PP2D1: variants seen among roughly 807,000 people sequenced by gnomAD.
The protein encoded by PP2D1 is protein phosphatase 2C-like domain-containing protein 1.
Under a neutral mutation model 30.2 loss-of-function variants are expected in PP2D1, and 25 were observed. The ratio of observed to expected loss-of-function variants is 0.83; its 90% CI spans 0.60 to 1.16. PP2D1 has a LOEUF of 1.16. PP2D1 is among the 50% of genes most tolerant of loss of function. PP2D1 has a pLI of 0.00. For missense variants in PP2D1, 760 were observed against 742.4 expected (o/e 1.02, Z -0.28); for synonymous variants, 260 against 258.9 (o/e 1.00, Z -0.04).
chr3:19,985,025 A>G, downstream of PP2D1: 1 of 200,790 alleles, frequency 5.0e-6, no homozygotes, highest in Non-Finnish European at 1.0e-5. Flanking sequence ...TATGAAAGCT[A>G]CCATGTGTCA....
At chr3:19,987,217 CATG>C (rs1285582367) in intron 2 of PP2D1, among the ~76,000 whole-genome samples, 1 of 152,116 alleles carries the variant, frequency 6.6e-6, no homozygotes, top group Non-Finnish European at 1.5e-5. Flanking sequence ...ACAGTTTAAA[CATG>C]ATCTGAACAG....
At chr3:19,994,101 G>A (rs1429751008) in intron 2 of PP2D1, among the ~76,000 whole-genome samples, 2 of 151,598 alleles carry the variant, frequency 1.3e-5, no homozygotes, top group Non-Finnish European at 2.9e-5. Context: ...GATTGTCCAA[G>A]ATGGGGAAGA....
intron 2 of PP2D1, among the ~76,000 whole-genome samples, chr3:19,990,092 A>G (rs1327639275): frequency 6.6e-6 from 1 of 152,152 alleles, no homozygotes; most frequent in African/African-American, 2.4e-5. Context: ...GCACAATAAA[A>G]TATTCTAGGA....
At chr3:20,005,083 C>T (rs547984754) in intron 1 of PP2D1, among the ~76,000 whole-genome samples, 5 of 152,122 alleles carry the variant, frequency 3.3e-5, no homozygotes, top group Non-Finnish European at 5.9e-5. Context: ...GACACTCCAG[C>T]GTGGGCTACA....
chr3:20,005,510 A>G (rs1222288285), intron 1 of PP2D1, among the ~76,000 whole-genome samples: 1 of 152,160 alleles, frequency 6.6e-6, no homozygotes, highest in Non-Finnish European at 1.5e-5. Flanking sequence ...CAGTTCATAT[A>G]TAAATTGTAT....
chr3:20,011,388 T>C (rs1330715028), intron 1 of PP2D1, among the ~76,000 whole-genome samples: 1 of 152,216 alleles, frequency 6.6e-6, no homozygotes, highest in South Asian at 2.1e-4. Context: ...TGAAGTCAAT[T>C]ACTTGTATCA....
chr3:20,004,685 G>A lies in PP2D1; in HGVS notation c.24-2589C>T, dbSNP rs182454704. Among the ~76,000 whole-genome samples the A allele has an allele frequency of 2.5e-4, 38 of 152,168 alleles. 1 individual carries two copies. The East Asian group carries it at 6.4e-3, about 25-fold the overall frequency. ...ATCAGAAACATCTAGTACTGTACTC[G>A]GCACCTGGGGCCATTTTTATCCATT... On this transcript the variant is annotated intron_variant, in intron 1 of 2. Transcript: ENST00000389050.
chr3:19,995,747 T>C (rs1360701505), intron 2 of PP2D1, among the ~76,000 whole-genome samples: 3 of 152,200 alleles, frequency 2.0e-5, no homozygotes, highest in Non-Finnish European at 4.4e-5. Context: ...TAGAGACATA[T>C]ATGATTTTTT....
chr3:19,981,842 T>C (rs537536495), downstream of PP2D1, among the ~76,000 whole-genome samples: 2 of 152,232 alleles, frequency 1.3e-5, no homozygotes, highest in East Asian at 3.9e-4. Context: ...CTCATCGGAC[T>C]CAAATAAAAT....
At chr3:19,994,727 A>G (rs566582349) in intron 2 of PP2D1, among the ~76,000 whole-genome samples, 13 of 152,364 alleles carry the variant, frequency 8.5e-5, no homozygotes, top group South Asian at 4.1e-4. Context: ...GAGTCCAGGG[A>G]AACCAATGCA....
Position 20,002,020 on chromosome 3 carries a change from T to G in PP2D1, c.100A>C (p.Lys34Gln). The change falls in exon 2 of 3, where the codon AAA (lysine) becomes CAA (glutamine). Residue 34 changes from lysine to glutamine, a missense_variant. Lys to Gln is a moderately conservative substitution (Grantham distance 53). Transcript: ENST00000389050. ...TTTTTCTTTCTAAAACGTTTTCTTT[T>G]GGGTAAAAGTAGAATATCCTCATCT... Reference protein sequence around the residue: ...DSDEDILLLPKRKRFRKKKSR... With the variant: ...DSDEDILLLPQRKRFRKKKSR... 2.0e-6 allele frequency: 3 copies of G among 1,535,868 alleles called. No homozygotes were observed. The highest frequency in any genetic ancestry group is 2.6e-6 in the Non-Finnish European group (3 of 1,146,570).
chr3:19,994,928 T>G (rs1483685487), intron 2 of PP2D1, among the ~76,000 whole-genome samples: 1 of 152,228 alleles, frequency 6.6e-6, no homozygotes, highest in Non-Finnish European at 1.5e-5. Flanking sequence ...GGAGCATTGC[T>G]GAGGACTCAT....
At chr3:19,992,398 G>A (rs1013689344) in intron 2 of PP2D1, among the ~76,000 whole-genome samples, 1 of 152,164 alleles carries the variant, frequency 6.6e-6, no homozygotes, top group Non-Finnish European at 1.5e-5. Flanking sequence ...AAATGTCAGT[G>A]TTAAGAATTT....
chr3:20,008,742 C>A (rs1575090088), intron 1 of PP2D1, among the ~76,000 whole-genome samples: 1 of 152,088 alleles, frequency 6.6e-6, no homozygotes, highest in Non-Finnish European at 1.5e-5. Flanking sequence ...AGAGGGAGAC[C>A]AGGTCTCTTA....
intron 2 of PP2D1, among the ~76,000 whole-genome samples, chr3:19,994,210 A>G (rs1055865667): frequency 2.6e-5 from 4 of 152,206 alleles, no homozygotes; most frequent in African/African-American, 9.6e-5. Context: ...CACCACACAG[A>G]CTACAGAAAA....
intron 1 of PP2D1, among the ~76,000 whole-genome samples, chr3:20,004,257 C>G (rs1697290586): frequency 6.6e-6 from 1 of 152,292 alleles, no homozygotes; most frequent in African/African-American, 2.4e-5. Flanking sequence ...ACGCACTGTA[C>G]AGGTTTGTAG....
rs143704277 is a variant in PP2D1 at position 19,986,082 on chromosome 3, A to G, written c.1191T>C (p.Asn397=). 3,891 of 1,535,944 alleles carry G rather than the reference A, an allele frequency of 2.5e-3. 10 individuals carry two copies. The highest frequency in any genetic ancestry group is 3.1e-3 in the Non-Finnish European group (3,561 of 1,146,788). ...NTNERRRILQ[N]GAVISSNEPY... ...GTTCATTTGAACTAATGACTGCTCC[A>G]TTCTGAAGTATTCTTCTTCTTTCAT... The change falls in exon 3 of 3, where the codon AAT becomes AAC. Residue 397 remains asparagine, a synonymous_variant. Transcript: ENST00000389050.
chr3:20,005,854 G>T (rs1460386132), intron 1 of PP2D1, among the ~76,000 whole-genome samples: 2 of 152,044 alleles, frequency 1.3e-5, no homozygotes, highest in East Asian at 3.9e-4. Context: ...TGGAGGTTGC[G>T]GTGAGCTGAG....
chr3:19,993,842 C>A (rs1411776747), intron 2 of PP2D1, among the ~76,000 whole-genome samples: 1 of 151,974 alleles, frequency 6.6e-6, no homozygotes, highest in Admixed American at 6.6e-5. Flanking sequence ...CAGGTTCAAG[C>A]AATTCTCTGC....
Sources: allele counts gnomAD v4.1 joint callset (sites outside exome capture counted in the v4.1 genomes callset), GRCh38; gene constraint gnomAD v4.1.1; transcripts MANE v1.5; gene names NCBI Gene and HGNC (gene_info 2026-07-23, HGNC 2026-07-21).